RASGRF1: variants seen among roughly 807,000 people sequenced by gnomAD.
RASGRF1 encodes ras-specific guanine nucleotide-releasing factor 1.
In RASGRF1, 40 loss-of-function variants were observed where a neutral mutation model predicts 138.7. The observed-to-expected ratio is 0.29, with a 90% CI of 0.22 to 0.38. RASGRF1 has a LOEUF of 0.38. Ranked by LOEUF, RASGRF1 falls within the 10% of genes least tolerant of loss-of-function variation. RASGRF1 has a pLI of 1.00. For synonymous variants in RASGRF1, 614 were observed against 663.2 expected, an observed-to-expected ratio of 0.93 and a Z score of 1.14; for missense variants, 1,108 against 1,650.4, an observed-to-expected ratio of 0.67 and a Z score of 5.69.
At chr15:79,000,082 G>T (rs557250956) in intron 16 of RASGRF1, among the ~76,000 whole-genome samples, 169 bp from the exon 17 acceptor site, 45 of 152,250 alleles carry the variant, frequency 3.0e-4, no homozygotes, top group Middle Eastern at 6.8e-3. Flanking sequence ...CTCTCTCTGT[G>T]TTAGAAGCTC....
intron 26 of RASGRF1, among the ~76,000 whole-genome samples, chr15:78,965,254 C>T (rs962465277): frequency 7.9e-5 from 12 of 152,246 alleles, no homozygotes; most frequent in African/African-American, 2.2e-4. Context: ...GAGCATGATT[C>T]GGATGCACAC....
intron 23 of RASGRF1, among the ~76,000 whole-genome samples, chr15:78,983,396 C>G (rs2056078971): frequency 6.6e-6 from 1 of 152,212 alleles, no homozygotes; most frequent in Non-Finnish European, 1.5e-5. Context: ...ACTGACTGTC[C>G]TTGATTTGCA....
intron 10 of RASGRF1, 37 bp from the exon 11 acceptor site, chr15:79,020,141 G>C (rs1391550707): frequency 7.5e-6 from 12 of 1,601,536 alleles, no homozygotes; most frequent in Non-Finnish European, 1.0e-5. Context: ...TGGATTGAGG[G>C]GTAGATATGC....
intron 26 of RASGRF1, among the ~76,000 whole-genome samples, chr15:78,965,972 G>A (rs575051516): frequency 6.6e-6 from 1 of 152,292 alleles, no homozygotes; most frequent in South Asian, 2.1e-4. Context: ...ATGTGAGAGT[G>A]GGCTGGGTGG....
intron 24 of RASGRF1, among the ~76,000 whole-genome samples, chr15:78,974,799 A>G (rs997367041): frequency 1.3e-5 from 2 of 152,320 alleles, no homozygotes; most frequent in East Asian, 1.9e-4. Context: ...CAAAAACATT[A>G]TTTTGTTTTT....
intron 17 of RASGRF1, among the ~76,000 whole-genome samples, chr15:78,999,198 G>A (rs899492145): frequency 2.0e-5 from 3 of 152,120 alleles, no homozygotes; most frequent in African/African-American, 4.8e-5. Context: ...GGAGCATGGC[G>A]GGACAGAGGT....
At chr15:78,978,220 GTT>G (rs71148584) in intron 24 of RASGRF1, among the ~76,000 whole-genome samples, 27 of 125,106 alleles carry the variant, frequency 2.2e-4, no homozygotes, top group African/African-American at 1.0e-3. Context: ...CTTTTCTTTT[GTT>G]TTTTTTTTTT....
chr15:79,059,922 C>G (rs969935991), intron 2 of RASGRF1, among the ~76,000 whole-genome samples: 1 of 148,584 alleles, frequency 6.7e-6, no homozygotes, highest in East Asian at 1.9e-4. Context: ...ACTTAATACT[C>G]AATATGGCTG....
chr15:78,992,758 C>A (rs1029379235), intron 20 of RASGRF1, among the ~76,000 whole-genome samples: 1 of 152,196 alleles, frequency 6.6e-6, no homozygotes, highest in Non-Finnish European at 1.5e-5. Flanking sequence ...GAAGTCCCGG[C>A]TGGGCTGAGC....
intron 3 of RASGRF1, among the ~76,000 whole-genome samples, chr15:79,053,833 C>A (rs2057469297): frequency 6.6e-6 from 1 of 152,222 alleles, no homozygotes; most frequent in Admixed American, 6.5e-5. Flanking sequence ...TTGGTTTAAG[C>A]TTCTGCAGTT....
Position 78,973,205 on chromosome 15 carries a change from G to A in RASGRF1, c.3612+98C>T. On this transcript the variant is annotated intron_variant, in intron 25 of 26. Transcript: ENST00000558480. This position sits in a 1 kb window ranked among gnomAD's most constrained non-coding sequence, Gnocchi z 4.9. ...CTCCCAAATGGGGGCACCCTATGCAGCAGGTTGGGCCTTGGGGGGCAGAGT... is the reference window on the plus strand; with the variant it reads ...CTCCCAAATGGGGGCACCCTATGCAACAGGTTGGGCCTTGGGGGGCAGAGT... 2.1e-6 allele frequency: 2 copies of A among 948,058 alleles called. No individual in the cohort carries two copies. The highest frequency in any genetic ancestry group is 3.3e-5 in the South Asian group (2 of 61,444). The allele number at this position is 948,058 out of a possible 1,614,324, so 58.7% of individuals were successfully genotyped here.
At chr15:79,020,227 G>T in intron 10 of RASGRF1, 123 bp from the exon 11 acceptor site, 1 of 857,070 alleles carries the variant, frequency 1.2e-6, no homozygotes, top group Non-Finnish European at 1.9e-6. Flanking sequence ...ACAGATGTAT[G>T]GATGGATATA....
At chr15:79,059,669 T>C (rs889517311) in intron 2 of RASGRF1, among the ~76,000 whole-genome samples, 4 of 152,136 alleles carry the variant, frequency 2.6e-5, no homozygotes, top group African/African-American at 9.7e-5. Context: ...TCTGGTTTGG[T>C]ATACAGTTCT....
intron 19 of RASGRF1, among the ~76,000 whole-genome samples, chr15:78,996,498 A>G (rs868649840): frequency 1.8e-4 from 28 of 152,096 alleles, no homozygotes; most frequent in Admixed American, 7.2e-4. Flanking sequence ...ATTGTCGTGT[A>G]TATCTTACAG....
At chr15:79,013,403 G>A (rs553382124) in intron 13 of RASGRF1, among the ~76,000 whole-genome samples, 4 of 152,202 alleles carry the variant, frequency 2.6e-5, no homozygotes, top group African/African-American at 4.8e-5. Flanking sequence ...AAACTGCCTC[G>A]GCTAGCTCCT....
intron 4 of RASGRF1, among the ~76,000 whole-genome samples, chr15:79,049,244 C>A (rs761817793): frequency 2.6e-5 from 4 of 152,124 alleles, no homozygotes; most frequent in African/African-American, 7.2e-5. Context: ...CCACTCCTTC[C>A]TCTTGTGGAA....
chr15:78,967,740 T>C (rs1392295848), intron 26 of RASGRF1, among the ~76,000 whole-genome samples: 1 of 152,204 alleles, frequency 6.6e-6, no homozygotes, highest in Non-Finnish European at 1.5e-5. Flanking sequence ...CAACTTTTTA[T>C]TTAAAAAATA....
intron 12 of RASGRF1, among the ~76,000 whole-genome samples, chr15:79,016,736 C>T (rs8032724): frequency 0.48 from 72,469 of 152,138 alleles, 18,208 homozygotes; most frequent in East Asian, 0.82. Flanking sequence ...TCTGGGACTG[C>T]GAGATGGGCA....
chr15:79,017,846 T>C lies in RASGRF1; in HGVS notation c.1667A>G (p.Asp556Gly). Reference protein sequence around the residue: ...LDFKIGVEPKDSPPFTVILVA... With the variant: ...LDFKIGVEPKGSPPFTVILVA... Reference sequence around the variant, plus strand: ...TAGGATGACTGTAAAGGGCGGGGAATCCTTTGGCTCCACCCCGATTTTAAA... The same window carrying C: ...TAGGATGACTGTAAAGGGCGGGGAACCCTTTGGCTCCACCCCGATTTTAAA... Residue 556 changes from aspartate to glycine, a missense_variant, in exon 12 of 27, where the codon GAT (aspartate) becomes GGT (glycine). This residue lies in a region of RASGRF1 where 686 missense variants were observed against 976.7 expected (regional missense o/e 0.70). Transcript: ENST00000558480. 6.2e-7 allele frequency: 1 copy of C among 1,613,618 alleles called. No homozygotes were observed. The highest frequency in any genetic ancestry group is 8.5e-7 in the Non-Finnish European group (1 of 1,179,774).
Sources: allele counts gnomAD v4.1 joint callset (sites outside exome capture counted in the v4.1 genomes callset), GRCh38; gene constraint gnomAD v4.1.1; regional missense constraint gnomAD v4.1.1; non-coding constraint Gnocchi (gnomAD v3.1); transcripts MANE v1.5; gene names NCBI Gene and HGNC (gene_info 2026-07-23, HGNC 2026-07-21).